EPHA6: variants seen among roughly 807,000 people sequenced by gnomAD.
The protein encoded by EPHA6 is ephrin type-A receptor 6.
EPHA6 carries 50 observed loss-of-function variants against 112.0 expected under a neutral mutation model. That is an observed-to-expected ratio of 0.45 (90% CI 0.36 to 0.56). EPHA6 has a LOEUF of 0.56. Ranked by LOEUF, EPHA6 falls within the 20% of genes least tolerant of loss-of-function variation. The pLI, the probability that EPHA6 is intolerant of heterozygous loss-of-function variation, is 0.00. For missense variants in EPHA6, 1,280 were observed against 1,417.4 expected (o/e 0.90, Z 1.56); for synonymous variants, 529 against 490.7 (o/e 1.08, Z -1.03).
chr3:97,647,914 A>G (rs2094078081), intron 14 of EPHA6, among the ~76,000 whole-genome samples: 1 of 152,156 alleles, frequency 6.6e-6, no homozygotes, highest in Non-Finnish European at 1.5e-5. Context: ...TAAAAAGAAC[A>G]TTAAAAGATA....
rs73131544 is a variant in EPHA6 at position 96,894,469 on chromosome 3, C to A, written c.450+27580C>A. Among the ~76,000 whole-genome samples the A allele has an allele frequency of 6.2e-3, 939 of 152,018 alleles. 3 individuals are homozygous for A. The highest frequency in any genetic ancestry group is 0.01 in the Middle Eastern group (3 of 292). On this transcript the variant is annotated intron_variant, in intron 2 of 17. Transcript: ENST00000389672. ...GGATTACAGCAGCTTTTAAGGCCTG[C>A]AATTTAGGAGGATCTTTGTCCATGC...
chr3:97,531,987 G>A (rs977967316), intron 10 of EPHA6, among the ~76,000 whole-genome samples: 4 of 152,056 alleles, frequency 2.6e-5, no homozygotes, highest in Non-Finnish European at 4.4e-5. Context: ...TCCCTGAATA[G>A]AGTAAACATT....
intron 3 of EPHA6, among the ~76,000 whole-genome samples, chr3:97,084,260 A>G (rs1298185583): frequency 2.6e-5 from 4 of 151,136 alleles, no homozygotes; most frequent in Admixed American, 1.3e-4. Flanking sequence ...TGCTAAATGT[A>G]TTTGTGTCAT....
At chr3:97,623,550 G>T (rs540028779) in intron 13 of EPHA6, among the ~76,000 whole-genome samples, 1 of 151,740 alleles carries the variant, frequency 6.6e-6, no homozygotes, top group African/African-American at 2.4e-5. Context: ...TTCTAAGATG[G>T]CATTTTCTTG....
At position 97,532,347 on chromosome 3, in the gene EPHA6, C is replaced by G. The variant is rs749232715; in HGVS notation, c.2201-11C>G. ...GTTTAATCAAATAACTGCTTTTGTT[C>G]ATATTTTAAGGTGAATTTGGAGAAG... On this transcript the variant is annotated splice_polypyrimidine_tract_variant and intron_variant, in intron 10 of 17. Transcript: ENST00000389672. 6.3e-7 allele frequency: 1 copy of G among 1,589,506 alleles called. No individual in the cohort carries two copies. Among genetic ancestry groups the G allele is most frequent in the Non-Finnish European group, 8.6e-7 (1 of 1,168,866 alleles).
Position 97,750,513 on chromosome 3 carries a change from C to A in EPHA6, c.*1812C>A, listed in dbSNP as rs1237164256. ...CTGGGATTACAGGCGCCTGCCACCA[C>A]TCCCGGCTAATTTTTGTATTTTTAG... is the stretch of plus-strand genomic sequence containing the variant. On this transcript the variant is annotated 3_prime_UTR_variant, in exon 18 of 18. Coordinates refer to ENST00000389672, the MANE Select transcript of EPHA6 (RefSeq NM_001080448.3). Among the ~76,000 whole-genome samples the A allele has an allele frequency of 1.3e-5, 2 of 151,890 alleles. No homozygotes were observed. The highest frequency in any genetic ancestry group is 2.9e-5 in the Non-Finnish European group (2 of 67,956).
At chr3:97,695,755 A>G (rs9877764) in intron 14 of EPHA6, among the ~76,000 whole-genome samples, 16,338 of 152,134 alleles carry the variant, frequency 0.11, 1,709 homozygotes, top group African/African-American at 0.27. Context: ...TGGCCAGGAT[A>G]GTCTCGATCT....
chr3:97,695,269 A>C (rs1490876431), intron 14 of EPHA6, among the ~76,000 whole-genome samples: 1 of 152,196 alleles, frequency 6.6e-6, no homozygotes, highest in African/African-American at 2.4e-5. Context: ...GCCAGAACTC[A>C]TGTATGGTGG....
chr3:97,323,480 T>C (rs987332415), intron 5 of EPHA6, among the ~76,000 whole-genome samples: 4 of 151,934 alleles, frequency 2.6e-5, no homozygotes, highest in Non-Finnish European at 5.9e-5. Flanking sequence ...ACCTCATTTG[T>C]CTAGTTAATA....
intron 2 of EPHA6, among the ~76,000 whole-genome samples, chr3:96,872,012 A>G (rs1212536269): frequency 1.3e-5 from 2 of 152,100 alleles, no homozygotes; most frequent in African/African-American, 2.4e-5. Context: ...AGAAAAGTAA[A>G]CCTGGATACT....
At position 97,273,512 on chromosome 3, in the gene EPHA6, A is replaced by G. The variant is rs534663097; in HGVS notation, c.1606+29225A>G. On this transcript the variant is annotated intron_variant, in intron 5 of 17. Transcript: ENST00000389672. The stretch of plus-strand genomic sequence containing the variant: ...AAAGGAGCATCCATACAGGAGCTCA[A>G]ATGGGCTGTACCCTGTAGCATTCCG... 5.3e-5 allele frequency among the ~76,000 whole-genome samples: 8 copies of G among 152,314 alleles called. No homozygotes were observed. The South Asian group carries it at 8.3e-4, about 16-fold the overall frequency.
At chr3:96,946,012 C>A (rs978657264) in intron 2 of EPHA6, among the ~76,000 whole-genome samples, 1 of 152,076 alleles carries the variant, frequency 6.6e-6, no homozygotes, top group African/African-American at 2.4e-5. Flanking sequence ...ACTGCCTAAC[C>A]CTTGGCAACC....
intron 3 of EPHA6, among the ~76,000 whole-genome samples, chr3:97,204,654 T>C (rs962745644): frequency 1.3e-5 from 2 of 152,076 alleles, no homozygotes; most frequent in African/African-American, 4.8e-5. Context: ...TTATGATAAA[T>C]TATTCTCCAT....
At chr3:97,539,146 CTTCT>C (rs2092812037) in intron 11 of EPHA6, among the ~76,000 whole-genome samples, 1 of 118,694 alleles carries the variant, frequency 8.4e-6, no homozygotes, top group South Asian at 2.7e-4. Flanking sequence ...TTCTTTCTTT[CTTCT>C]TTCTTTTTTT....
At chr3:97,713,417 A>G (rs370281083) in intron 14 of EPHA6, among the ~76,000 whole-genome samples, 1 of 152,286 alleles carries the variant, frequency 6.6e-6, no homozygotes, top group South Asian at 2.1e-4. Flanking sequence ...AATCTCATAT[A>G]AGATTTTTTA....
chr3:97,103,901 G>C (rs1191360925), intron 3 of EPHA6, among the ~76,000 whole-genome samples: 1 of 151,548 alleles, frequency 6.6e-6, no homozygotes, highest in Admixed American at 6.6e-5. Context: ...TTTTTCTTTT[G>C]AGGGTAATTG....
intron 5 of EPHA6, among the ~76,000 whole-genome samples, chr3:97,395,349 A>ATAATG (rs1444057751): frequency 6.6e-6 from 1 of 151,846 alleles, no homozygotes; most frequent in South Asian, 2.1e-4. Context: ...AGCACAGAAC[A>ATAATG]TTTAAGAAAC....
At chr3:97,007,436 T>TC (rs1267427942) in intron 3 of EPHA6, among the ~76,000 whole-genome samples, 1 of 151,760 alleles carries the variant, frequency 6.6e-6, no homozygotes, top group Admixed American at 6.6e-5. Flanking sequence ...CCCTGCTTTT[T>TC]TTTTTTCTTT....
At chr3:97,472,715 A>T (rs994326839) in intron 7 of EPHA6, among the ~76,000 whole-genome samples, 2 of 151,874 alleles carry the variant, frequency 1.3e-5, no homozygotes, top group Non-Finnish European at 2.9e-5. Context: ...ATATCATAGT[A>T]CAATTGCTCT....
Sources: allele counts gnomAD v4.1 joint callset (sites outside exome capture counted in the v4.1 genomes callset), GRCh38; gene constraint gnomAD v4.1.1; transcripts MANE v1.5; gene names NCBI Gene and HGNC (gene_info 2026-07-23, HGNC 2026-07-21).